SIAH1: variants seen among roughly 807,000 people sequenced by gnomAD.
The protein encoded by SIAH1 is siah E3 ubiquitin protein ligase 1.
SIAH1 carries 2 observed loss-of-function variants against 20.0 expected under a neutral mutation model. The ratio of observed to expected loss-of-function variants is 0.10; its 90% CI spans 0.04 to 0.31. The LOEUF (loss-of-function observed/expected upper bound fraction) is 0.31, where lower values mean the gene tolerates loss of function less well. Ranked by LOEUF, SIAH1 falls within the 10% of genes least tolerant of loss-of-function variation. The pLI, the probability that SIAH1 is intolerant of heterozygous loss-of-function variation, is 1.00. For synonymous variants in SIAH1, 118 were observed against 125.3 expected, an observed-to-expected ratio of 0.94 and a Z score of 0.39; for missense variants, 119 against 355.3, an observed-to-expected ratio of 0.33 and a Z score of 5.35.
intron 1 of SIAH1, among the ~76,000 whole-genome samples, chr16:48,376,125 C>T (rs1419635421): frequency 1.3e-5 from 2 of 152,134 alleles, no homozygotes; most frequent in African/African-American, 4.8e-5. Flanking sequence ...AAATGTGAAG[C>T]ACACCCAGAC....
intron 1 of SIAH1, chr16:48,365,376 A>C: frequency 1.2e-6 from 2 of 1,613,690 alleles, no homozygotes; most frequent in Non-Finnish European, 1.7e-6. Context: ...CCATCCTCTT[A>C]ATGTCAATAC....
At chr16:48,369,348 A>G (rs756976836) in intron 1 of SIAH1, among the ~76,000 whole-genome samples, 1 of 152,238 alleles carries the variant, frequency 6.6e-6, no homozygotes, top group African/African-American at 2.4e-5. Flanking sequence ...CTGTCAACAG[A>G]AGACAAAGAG....
chr16:48,376,062 A>T (rs1039265478), intron 1 of SIAH1, among the ~76,000 whole-genome samples: 9 of 152,248 alleles, frequency 5.9e-5, no homozygotes, highest in Admixed American at 2.6e-4. Context: ...ACAAGAATTT[A>T]GGTCAGATCA....
chr16:48,381,815 A>G (rs1961301311), intron 1 of SIAH1, among the ~76,000 whole-genome samples: 1 of 152,192 alleles, frequency 6.6e-6, no homozygotes, highest in South Asian at 2.1e-4. Flanking sequence ...GTATGTCATT[A>G]TGTATTTGTC....
At chr16:48,368,084 T>A (rs1960886768) in intron 1 of SIAH1, among the ~76,000 whole-genome samples, 2 of 152,196 alleles carry the variant, frequency 1.3e-5, no homozygotes, top group Admixed American at 1.3e-4. Context: ...CGTGGTAATC[T>A]TTGTTTCCTT....
At chr16:48,379,193 T>G (rs796417307) in intron 1 of SIAH1, among the ~76,000 whole-genome samples, 68 of 152,256 alleles carry the variant, frequency 4.5e-4, no homozygotes, top group African/African-American at 1.6e-3. Flanking sequence ...GCTTGTCCTC[T>G]TAGCCACTTA....
At chr16:48,371,589 C>G (rs979276237) in intron 1 of SIAH1, among the ~76,000 whole-genome samples, 14 of 152,172 alleles carry the variant, frequency 9.2e-5, no homozygotes, top group Non-Finnish European at 1.9e-4. Flanking sequence ...AGCAACAGAA[C>G]CAGGCAGAGG....
intron 1 of SIAH1, among the ~76,000 whole-genome samples, chr16:48,375,313 C>T (rs1464763894): frequency 6.6e-6 from 1 of 152,172 alleles, no homozygotes; most frequent in Non-Finnish European, 1.5e-5. Flanking sequence ...ATCAGACTTA[C>T]TAACATGTAA....
intron 1 of SIAH1, among the ~76,000 whole-genome samples, chr16:48,384,842 C>G (rs1961402383): frequency 6.8e-6 from 1 of 147,180 alleles, no homozygotes; most frequent in Admixed American, 6.7e-5. Context: ...GCGCGGGGCG[C>G]GCCGGGCGCC....
chr16:48,371,481 A>G (rs1290955616), intron 1 of SIAH1, among the ~76,000 whole-genome samples: 1 of 152,266 alleles, frequency 6.6e-6, no homozygotes, highest in African/African-American at 2.4e-5. Context: ...TTTACTTTCC[A>G]TCAAAGTGAT....
At chr16:48,383,929 T>C (rs1052531634) in intron 1 of SIAH1, among the ~76,000 whole-genome samples, 16 of 152,204 alleles carry the variant, frequency 1.1e-4, no homozygotes, top group African/African-American at 3.4e-4. Context: ...GTTGAGAACT[T>C]AGTATGGGGC....
rs1307233831 is a variant in SIAH1, at chr16:48,362,654, C to G, written c.-2-224G>C. The G allele has an allele frequency of 7.9e-6, 4 of 503,972 alleles. No individual in the cohort carries two copies. The highest frequency in any genetic ancestry group is 5.5e-4 in the Middle Eastern group (1 of 1,826). The allele number at this position is 503,972 out of a possible 1,614,324, so 31.2% of individuals were successfully genotyped here. On this transcript the variant is annotated intron_variant, in intron 1 of 1. Transcript: ENST00000394725. The surrounding 1 kb of genome is among the most constrained non-coding windows in gnomAD (Gnocchi z 4.2). ...GGATAAGCTCTCTTTTCAAAATGTT[C>G]CGGAAAACATGTGGAACTCCCTTAA...
At chr16:48,380,296 G>A (rs758153033) in intron 1 of SIAH1, among the ~76,000 whole-genome samples, 5 of 151,572 alleles carry the variant, frequency 3.3e-5, no homozygotes, top group African/African-American at 4.8e-5. Flanking sequence ...AAAATTAGCC[G>A]AGCACGGTGG....
Position 48,362,346 on chromosome 16 carries a change from G to C in SIAH1, c.83C>G (p.Thr28Arg). 6.2e-7 allele frequency: 1 copy of C among 1,614,190 alleles called. No individual in the cohort carries two copies. The change falls in exon 2 of 2, where the codon ACA becomes AGA. Residue 28 changes from threonine to arginine, a missense_variant. Coordinates refer to ENST00000394725, the MANE Select transcript of SIAH1 (RefSeq NM_003031.4). The surrounding 1 kb of genome is among the most constrained non-coding windows in gnomAD (Gnocchi z 4.2). Reference sequence around the variant, plus strand: ...CGCCAAGTCATTGTTGGATGCAGTTGTGCCAGTCAGGGCAGGCACCCTCTG... The same window carrying C: ...CGCCAAGTCATTGTTGGATGCAGTTCTGCCAGTCAGGGCAGGCACCCTCTG... ...PSQRVPALTG[T>R]TASNNDLASL...
At chr16:48,373,863 T>A (rs183178566) in intron 1 of SIAH1, among the ~76,000 whole-genome samples, 1 of 152,336 alleles carries the variant, frequency 6.6e-6, no homozygotes, top group Non-Finnish European at 1.5e-5. Flanking sequence ...TCCTACTTTG[T>A]TCCCCTTTAC....
rs531761693 is a variant in SIAH1 at position 48,365,549 on chromosome 16, C to T, written c.-2-3119G>A. 319 of 1,558,128 alleles carry T rather than the reference C, an allele frequency of 2.0e-4. 1 individual carries two copies. The African/African-American group carries it at 3.7e-3, about 18-fold the overall frequency. On this transcript the variant is annotated intron_variant, in intron 1 of 1. Transcript: ENST00000394725. ...AGGCCCCTCCTGGGCTCTTTCTGCTCCTAAGCACAGAAGACCCAAATTCGC... is the reference window on the plus strand; with the variant it reads ...AGGCCCCTCCTGGGCTCTTTCTGCTTCTAAGCACAGAAGACCCAAATTCGC...
upstream of SIAH1, among the ~76,000 whole-genome samples, chr16:48,386,591 A>G (rs1326215934): frequency 2.6e-5 from 4 of 152,266 alleles, no homozygotes; most frequent in Non-Finnish European, 5.9e-5. Flanking sequence ...TATATGTGCA[A>G]AACACTAGTT....
At chr16:48,378,033 T>C (rs1190516169) in intron 1 of SIAH1, among the ~76,000 whole-genome samples, 2 of 151,970 alleles carry the variant, frequency 1.3e-5, no homozygotes, top group Non-Finnish European at 2.9e-5. Flanking sequence ...AAACATAATG[T>C]TGAGTGAAAG....
At chr16:48,363,378 G>A (rs1370474935) in intron 1 of SIAH1, 25 of 167,058 alleles carry the variant, frequency 1.5e-4, no homozygotes. Flanking sequence ...CTACTGATCA[G>A]TGCCCACCTC....
Sources: gnomAD v4.1 joint callset for allele counts (sites outside exome capture counted in the v4.1 genomes callset) on GRCh38, gnomAD v4.1.1 for gene constraint, Gnocchi (gnomAD v3.1) non-coding constraint, MANE v1.5 for transcripts, NCBI Gene and HGNC (gene_info 2026-07-23, HGNC 2026-07-21) for gene names.